Variants in VEGFC observed in about 807,000 individuals in gnomAD.
The protein encoded by VEGFC is FLT4 ligand DHM.
Under a neutral mutation model 46.1 loss-of-function variants are expected in VEGFC, and 12 were observed. The observed-to-expected ratio is 0.26, with a 90% CI of 0.17 to 0.42. The LOEUF (loss-of-function observed/expected upper bound fraction) is 0.42. VEGFC is among the 10% of genes least tolerant of loss of function. The pLI is 1.00. For missense variants in VEGFC, 488 were observed against 529.4 expected (o/e 0.92, Z 0.77); for synonymous variants, 232 against 195.5 (o/e 1.19, Z -1.56).
At chr4:176,753,510 C>G (rs190231598) in intron 1 of VEGFC, among the ~76,000 whole-genome samples, 162 of 152,048 alleles carry the variant, frequency 1.1e-3, no homozygotes, top group Non-Finnish European at 2.0e-3. Context: ...TAAAGACATA[C>G]AGAAGGGAGA....
chr4:176,781,899 C>G (rs150000337), intron 1 of VEGFC, among the ~76,000 whole-genome samples: 3 of 152,174 alleles, frequency 2.0e-5, no homozygotes, highest in Non-Finnish European at 4.4e-5. Context: ...ATTAAGTAGT[C>G]GGCTTCCCAT....
chr4:176,710,477 G>C (rs1734603320), intron 4 of VEGFC, among the ~76,000 whole-genome samples: 1 of 152,110 alleles, frequency 6.6e-6, no homozygotes, highest in African/African-American at 2.4e-5. Flanking sequence ...TTCCTAAACT[G>C]TCCCTGGACA....
At chr4:176,754,001 G>A (rs530347999) in intron 1 of VEGFC, among the ~76,000 whole-genome samples, 1 of 152,080 alleles carries the variant, frequency 6.6e-6, no homozygotes, top group South Asian at 2.1e-4. Flanking sequence ...AACTCATGAG[G>A]GAAGTCAGAA....
chr4:176,685,544 T>C (rs1413114139), intron 6 of VEGFC, among the ~76,000 whole-genome samples: 1 of 152,118 alleles, frequency 6.6e-6, no homozygotes, highest in East Asian at 1.9e-4. Flanking sequence ...GATAGAAATA[T>C]TGTCTGTGTT....
At chr4:176,787,751 C>T (rs992490086) in intron 1 of VEGFC, among the ~76,000 whole-genome samples, 3 of 151,952 alleles carry the variant, frequency 2.0e-5, no homozygotes, top group African/African-American at 7.3e-5. Context: ...CAAAAATTTA[C>T]ACTAGTAAGT....
chr4:176,761,521 A>C (rs1177282642), intron 1 of VEGFC, among the ~76,000 whole-genome samples: 1 of 152,170 alleles, frequency 6.6e-6, no homozygotes, highest in Non-Finnish European at 1.5e-5. Context: ...ATAAATCAGC[A>C]AATACATGAT....
intron 4 of VEGFC, chr4:176,706,227 A>G (rs1734531831): frequency 6.6e-6 from 1 of 152,164 alleles, no homozygotes. Flanking sequence ...AGGATCTAGA[A>G]GCATTCTTTA....
Position 176,687,358 on chromosome 4 carries a change from G to C in VEGFC, c.974C>G (p.Pro325Arg), listed in dbSNP as rs768802006. 8 of 1,614,054 alleles carry C rather than the reference G, an allele frequency of 5.0e-6. No individual in the cohort carries two copies. The highest frequency in any genetic ancestry group is 3.3e-5 in the South Asian group (3 of 91,066). ...CQCVCKNKLF[P>R]SQCGANREFD... ...TTCTCGGTTGGCCCCACATTGGCTGGGGAAGAGTTTGTTTTTACAGACACA... is the reference window on the plus strand; with the variant it reads ...TTCTCGGTTGGCCCCACATTGGCTGCGGAAGAGTTTGTTTTTACAGACACA... The change falls in exon 6 of 7, where the codon CCC (proline) becomes CGC (arginine). Residue 325 changes from proline to arginine, a missense_variant. Physicochemically the swap from Pro to Arg is moderately radical, Grantham distance 103. Transcript: ENST00000618562.
At chr4:176,705,502 G>A (rs1486921382) in intron 4 of VEGFC, among the ~76,000 whole-genome samples, 1 of 152,030 alleles carries the variant, frequency 6.6e-6, no homozygotes, top group East Asian at 1.9e-4. Flanking sequence ...GAAGATATTG[G>A]GGGGAACACA....
chr4:176,744,575 G>T (rs1405945767), intron 1 of VEGFC, among the ~76,000 whole-genome samples: 1 of 151,976 alleles, frequency 6.6e-6, no homozygotes, highest in African/African-American at 2.4e-5. Flanking sequence ...TAGCAGAGGA[G>T]ATTTTGGCAT....
chr4:176,715,730 T>C (rs1044433596), intron 3 of VEGFC, among the ~76,000 whole-genome samples: 4 of 127,678 alleles, frequency 3.1e-5, no homozygotes, highest in African/African-American at 1.2e-4. Context: ...TCCGTAAGCT[T>C]TTTTTCCTAG....
intron 4 of VEGFC, among the ~76,000 whole-genome samples, chr4:176,690,972 C>T (rs1490902552): frequency 1.3e-5 from 2 of 152,078 alleles, no homozygotes; most frequent in African/African-American, 4.8e-5. Flanking sequence ...ATGACATGGG[C>T]TCAGAAATGC....
At chr4:176,691,395 A>G (rs1734177315) in intron 4 of VEGFC, among the ~76,000 whole-genome samples, 1 of 152,196 alleles carries the variant, frequency 6.6e-6, no homozygotes, top group Admixed American at 6.5e-5. Context: ...GGAATTGCAC[A>G]ATTATTTGCA....
chr4:176,703,952 C>T (rs1443744939), intron 4 of VEGFC, among the ~76,000 whole-genome samples: 2 of 152,100 alleles, frequency 1.3e-5, no homozygotes, highest in Non-Finnish European at 1.5e-5. Context: ...TTTCTCTCCC[C>T]CTTTCTCAAA....
At position 176,740,055 on chromosome 4, in the gene VEGFC, T is replaced by C. The variant is rs866884388; in HGVS notation, c.148-10309A>G. Among the ~76,000 whole-genome samples the C allele has an allele frequency of 3.5e-5, 4 of 115,172 alleles. No individual in the cohort carries two copies. The South Asian group carries it at 1.1e-3, about 31-fold the overall frequency. 75.6% of individuals were successfully genotyped at this position (115,172 alleles called of 152,430 possible). Reference sequence around the variant, plus strand: ...CGAATATATATAACTATTCGATATATAGAATATATATAACTATATATTATA... The same window carrying C: ...CGAATATATATAACTATTCGATATACAGAATATATATAACTATATATTATA... On this transcript the variant is annotated intron_variant, in intron 1 of 6. Coordinates refer to ENST00000618562, the MANE Select transcript of VEGFC (RefSeq NM_005429.5).
intron 1 of VEGFC, among the ~76,000 whole-genome samples, chr4:176,787,552 A>T (rs1241061718): frequency 6.6e-6 from 1 of 152,124 alleles, no homozygotes; most frequent in Non-Finnish European, 1.5e-5. Flanking sequence ...CTAACACCTG[A>T]AAGCCACTAG....
intron 1 of VEGFC, among the ~76,000 whole-genome samples, chr4:176,740,531 A>ACTATATATT (rs1224033488): frequency 1.0e-4 from 14 of 140,440 alleles, no homozygotes; most frequent in African/African-American, 3.8e-4. Context: ...AGTATATATA[A>ACTATATATT]CTATATATAG....
intron 1 of VEGFC, among the ~76,000 whole-genome samples, chr4:176,780,441 T>C (rs1249755538): frequency 6.7e-6 from 1 of 149,296 alleles, no homozygotes; most frequent in Non-Finnish European, 1.5e-5. Flanking sequence ...ACGCATTTAA[T>C]ACCCATGTGT....
intron 1 of VEGFC, among the ~76,000 whole-genome samples, chr4:176,738,013 T>C: frequency 6.6e-6 from 1 of 151,852 alleles, no homozygotes. Flanking sequence ...GAAAGACCTC[T>C]TCAAGGAGAA....
Sources: gnomAD v4.1 joint callset for allele counts (sites outside exome capture counted in the v4.1 genomes callset) on GRCh38, gnomAD v4.1.1 for gene constraint, MANE v1.5 for transcripts, NCBI Gene and HGNC (gene_info 2026-07-23, HGNC 2026-07-21) for gene names.